Variants in HS3ST4 observed in about 807,000 individuals in gnomAD.
The protein encoded by HS3ST4 is heparan sulfate-glucosamine 3-sulfotransferase 4.
In HS3ST4, 17 loss-of-function variants were observed where a neutral mutation model predicts 29.2. The observed-to-expected ratio is 0.58, with a 90% confidence interval of 0.40 to 0.87. HS3ST4 has a LOEUF of 0.87. Among genes scored for constraint, HS3ST4 ranks in the 40% least tolerant of loss-of-function variants. HS3ST4 has a pLI of 0.00. For synonymous variants in HS3ST4, 314 were observed against 285.7 expected, an observed-to-expected ratio of 1.10 and a Z score of -1.00; for missense variants, 627 against 634.5, an observed-to-expected ratio of 0.99 and a Z score of 0.13.
At chr16:26,048,870 A>G (rs1898301965) in intron 1 of HS3ST4, among the ~76,000 whole-genome samples, 1 of 152,100 alleles carries the variant, frequency 6.6e-6, no homozygotes, top group South Asian at 2.1e-4. Context: ...GCAGCAAGAA[A>G]GTCATTCTCT....
intron 1 of HS3ST4, among the ~76,000 whole-genome samples, chr16:25,978,942 GT>G (rs34078514): frequency 6.0e-5 from 8 of 132,248 alleles, no homozygotes; most frequent in African/African-American, 8.5e-5. Context: ...TTCTCTTTTT[GT>G]TTTTTTTTTT....
intron 1 of HS3ST4, among the ~76,000 whole-genome samples, chr16:25,923,875 C>G (rs1444325616): frequency 6.6e-6 from 1 of 152,092 alleles, no homozygotes; most frequent in Non-Finnish European, 1.5e-5. Flanking sequence ...TAAGTGGATC[C>G]CATTGGCATT....
intron 1 of HS3ST4, among the ~76,000 whole-genome samples, chr16:25,706,195 C>T (rs973815927): frequency 6.6e-6 from 1 of 152,044 alleles, no homozygotes; most frequent in South Asian, 2.1e-4. Flanking sequence ...TAAAAACCTA[C>T]GGAGCTACGG....
intron 1 of HS3ST4, among the ~76,000 whole-genome samples, chr16:26,013,746 A>G (rs1471308822): frequency 6.6e-6 from 1 of 152,194 alleles, no homozygotes; most frequent in East Asian, 1.9e-4. Flanking sequence ...GCGGTGGCTC[A>G]TGCCTGTAAT....
chr16:25,720,080 A>G (rs1474317789), intron 1 of HS3ST4, among the ~76,000 whole-genome samples: 2 of 152,216 alleles, frequency 1.3e-5, no homozygotes, highest in African/African-American at 4.8e-5. Context: ...GAAGGAAAAT[A>G]AGGCACAGGA....
chr16:25,765,799 C>G (rs896936779), intron 1 of HS3ST4, among the ~76,000 whole-genome samples: 4 of 152,134 alleles, frequency 2.6e-5, no homozygotes, highest in Admixed American at 2.6e-4. Flanking sequence ...TCAGGTGCCC[C>G]ATGTAGTCCA....
rs140843335 is a variant in HS3ST4 at position 26,109,932 on chromosome 16, A to G, written c.735-25680A>G. ...GAATATTTAAGATCTACTTTCAGCA[A>G]TTTTCAAGCATACAATATATTAATA... On this transcript the variant is annotated intron_variant, in intron 1 of 1. Coordinates refer to ENST00000331351, the MANE Select transcript of HS3ST4 (RefSeq NM_006040.3). Among the ~76,000 whole-genome samples the G allele has an allele frequency of 3.7e-3, 561 of 152,242 alleles. 3 individuals carry two copies. Among genetic ancestry groups the G allele is most frequent in the African/African-American group, 0.012 (512 of 41,534 alleles).
chr16:25,729,502 A>T (rs1966557324), intron 1 of HS3ST4, among the ~76,000 whole-genome samples: 1 of 152,156 alleles, frequency 6.6e-6, no homozygotes, highest in South Asian at 2.1e-4. Flanking sequence ...CCACGCTACC[A>T]CCTGGGCAGG....
At chr16:26,041,288 C>T (rs895020807) in intron 1 of HS3ST4, among the ~76,000 whole-genome samples, 2 of 151,998 alleles carry the variant, frequency 1.3e-5, no homozygotes, top group Non-Finnish European at 2.9e-5. Flanking sequence ...CTGCAGTGAG[C>T]TATGATCATG....
chr16:25,838,188 T>A (rs894672407), intron 1 of HS3ST4, among the ~76,000 whole-genome samples: 1 of 152,220 alleles, frequency 6.6e-6, no homozygotes, highest in Non-Finnish European at 1.5e-5. Flanking sequence ...ATCCTACTTA[T>A]TCAGTCGATA....
intron 1 of HS3ST4, among the ~76,000 whole-genome samples, chr16:25,944,156 G>T (rs978378039): frequency 6.6e-6 from 1 of 152,068 alleles, no homozygotes; most frequent in Non-Finnish European, 1.5e-5. Context: ...CCCTAGTTCA[G>T]CCAGGTCTGA....
chr16:25,915,676 A>G (rs572165665), intron 1 of HS3ST4, among the ~76,000 whole-genome samples: 1 of 152,356 alleles, frequency 6.6e-6, no homozygotes, highest in African/African-American at 2.4e-5. Context: ...GTGATTATAC[A>G]TACACATAAA....
intron 1 of HS3ST4, among the ~76,000 whole-genome samples, chr16:26,126,159 A>G (rs1899340830): frequency 6.6e-6 from 1 of 152,164 alleles, no homozygotes; most frequent in Non-Finnish European, 1.5e-5. Flanking sequence ...TCTTGGTCAC[A>G]TGGGACTTGG....
chr16:25,832,171 G>A (rs1967310341), intron 1 of HS3ST4, among the ~76,000 whole-genome samples: 1 of 152,134 alleles, frequency 6.6e-6, no homozygotes, highest in African/African-American at 2.4e-5. Flanking sequence ...TCTTCTTACT[G>A]ATCCTTTTAA....
intron 1 of HS3ST4, among the ~76,000 whole-genome samples, chr16:25,721,017 AAAG>A (rs757449632): frequency 7.9e-5 from 12 of 152,326 alleles, no homozygotes; most frequent in East Asian, 1.9e-4. Context: ...GTTAGCAAGA[AAAG>A]AAGGGGATGC....
chr16:25,946,583 A>G (rs1968628357), intron 1 of HS3ST4, among the ~76,000 whole-genome samples: 1 of 152,200 alleles, frequency 6.6e-6, no homozygotes, highest in African/African-American at 2.4e-5. Flanking sequence ...ATACAAAGAC[A>G]AGGGGGAAAA....
At chr16:25,789,383 TTC>T (rs1488016879) in intron 1 of HS3ST4, among the ~76,000 whole-genome samples, 1 of 149,848 alleles carries the variant, frequency 6.7e-6, no homozygotes, top group Non-Finnish European at 1.5e-5. Flanking sequence ...TTCTCTTTCT[TTC>T]TTTCTCTTTC....
At chr16:25,834,443 T>C (rs1356358655) in intron 1 of HS3ST4, among the ~76,000 whole-genome samples, 1 of 151,946 alleles carries the variant, frequency 6.6e-6, no homozygotes, top group Non-Finnish European at 1.5e-5. Flanking sequence ...CTAAAGGCCC[T>C]TCACCAATGA....
intron 1 of HS3ST4, among the ~76,000 whole-genome samples, chr16:25,752,225 C>G (rs951017286): frequency 1.3e-5 from 2 of 152,162 alleles, no homozygotes; most frequent in Non-Finnish European, 2.9e-5. Flanking sequence ...GTGTTGGGCT[C>G]TTTAGCTTTA....
Sources: gnomAD v4.1 joint callset for allele counts (sites outside exome capture counted in the v4.1 genomes callset) on GRCh38, gnomAD v4.1.1 for gene constraint, MANE v1.5 for transcripts, NCBI Gene and HGNC (gene_info 2026-07-23, HGNC 2026-07-21) for gene names.